The following BCLAF1 variants were observed in gnomAD, a reference collection of about 807,000 sequenced individuals.
BCLAF1 encodes BCL2 associated transcription factor 1.
A neutral mutation model predicts 99.5 loss-of-function variants in BCLAF1; 10 were observed. The ratio of observed to expected loss-of-function variants is 0.10; its 90% CI spans 0.06 to 0.17. BCLAF1 has a LOEUF of 0.17. Ranked by LOEUF, BCLAF1 falls within the 10% of genes least tolerant of loss-of-function variation. BCLAF1 has a pLI of 1.00. For synonymous variants in BCLAF1, 255 were observed against 370.9 expected, an observed-to-expected ratio of 0.69 and a Z score of 3.59; for missense variants, 636 against 1,105.8, an observed-to-expected ratio of 0.58 and a Z score of 6.02.
At chr6:136,267,438 C>A (rs1262717315) in intron 10 of BCLAF1, among the ~76,000 whole-genome samples, 1 of 151,800 alleles carries the variant, frequency 6.6e-6, no homozygotes, top group Non-Finnish European at 1.5e-5. Flanking sequence ...TTTAAATAAT[C>A]AAGTTGTTTT....
chr6:136,266,111 CAT>C (rs1443563707), intron 11 of BCLAF1, among the ~76,000 whole-genome samples: 1 of 151,582 alleles, frequency 6.6e-6, no homozygotes, highest in Non-Finnish European at 1.5e-5. Flanking sequence ...ATTTTTGAAA[CAT>C]ATATAGTTTT....
chr6:136,288,075 G>C (rs1263563824), intron 1 of BCLAF1, among the ~76,000 whole-genome samples: 1 of 152,184 alleles, frequency 6.6e-6, no homozygotes, highest in African/African-American at 2.4e-5. Context: ...CTTTTTACAC[G>C]TCTGTCTTCA....
intron 11 of BCLAF1, among the ~76,000 whole-genome samples, chr6:136,263,942 A>C (rs544725934): frequency 6.6e-6 from 1 of 152,234 alleles, no homozygotes; most frequent in African/African-American, 2.4e-5. Flanking sequence ...AAAGATTACT[A>C]TAACTCAGTA....
chr6:136,264,024 C>T (rs1781385056), intron 11 of BCLAF1, among the ~76,000 whole-genome samples: 1 of 152,248 alleles, frequency 6.6e-6, no homozygotes, highest in Non-Finnish European at 1.5e-5. Context: ...ATCCTGACCC[C>T]ATTGCACTAG....
intron 9 of BCLAF1, among the ~76,000 whole-genome samples, chr6:136,268,834 A>C (rs1037228671): frequency 6.6e-6 from 1 of 151,944 alleles, no homozygotes; most frequent in African/African-American, 2.4e-5. Flanking sequence ...TCCACCATTT[A>C]CCTAATGAAT....
At chr6:136,268,111 T>C (rs768349404) in intron 10 of BCLAF1, 51 bp downstream of exon 10, 1 of 1,456,102 alleles carries the variant, frequency 6.9e-7, no homozygotes. Flanking sequence ...TTATGTACAG[T>C]ACTCTAAGAT....
intron 8 of BCLAF1, chr6:136,270,101 A>C (rs1782300845): frequency 6.6e-6 from 1 of 151,836 alleles, no homozygotes; most frequent in Admixed American, 6.6e-5. Context: ...CTTCCCAAAT[A>C]ATCTGACCAA....
chr6:136,263,966 A>T (rs533437768), intron 11 of BCLAF1, among the ~76,000 whole-genome samples: 1 of 152,220 alleles, frequency 6.6e-6, no homozygotes, highest in Non-Finnish European at 1.5e-5. Flanking sequence ...GACAACAAAT[A>T]GTACAAACAA....
At chr6:136,264,168 A>G (rs1396870908) in intron 11 of BCLAF1, among the ~76,000 whole-genome samples, 2 of 152,184 alleles carry the variant, frequency 1.3e-5, no homozygotes, top group Non-Finnish European at 2.9e-5. Flanking sequence ...AGCACCTAGC[A>G]TAGTACATGA....
At chr6:136,289,103 A>C (rs1178602173) in intron 1 of BCLAF1, among the ~76,000 whole-genome samples, 1 of 152,142 alleles carries the variant, frequency 6.6e-6, no homozygotes, top group Non-Finnish European at 1.5e-5. Flanking sequence ...CAGAGCACTA[A>C]AACCTAGTAG....
At chr6:136,287,943 C>T (rs1785374420) in intron 1 of BCLAF1, among the ~76,000 whole-genome samples, 1 of 152,200 alleles carries the variant, frequency 6.6e-6, no homozygotes, top group Non-Finnish European at 1.5e-5. Flanking sequence ...ATCGCTTGGA[C>T]CCGGAGACGG....
Position 136,277,745 on chromosome 6 carries a change from G to C in BCLAF1, c.1016+120C>G, listed in dbSNP as rs186688097. ...CAATTTGGAATTATCTTAAAATGAAGGAAGTCAAGAGTAAAAACCGCTAGT... is the reference window on the plus strand; with the variant it reads ...CAATTTGGAATTATCTTAAAATGAACGAAGTCAAGAGTAAAAACCGCTAGT... On this transcript the variant is annotated intron_variant, in intron 4 of 12. Coordinates refer to ENST00000531224, the MANE Select transcript of BCLAF1 (RefSeq NM_014739.3). The C allele has an allele frequency of 3.0e-4, 351 of 1,150,908 alleles. No homozygotes were observed. The African/African-American group carries it at 5.8e-3, about 19-fold the overall frequency. The allele number at this position is 1,150,908 out of a possible 1,614,324, so 71.3% of individuals were successfully genotyped here.
At position 136,261,398 on chromosome 6, in the gene BCLAF1, C is replaced by G. The variant is rs747058397; in HGVS notation, c.2624G>C (p.Arg875Pro). 1 of 1,613,750 alleles carries G rather than the reference C, an allele frequency of 6.2e-7. No homozygotes were observed. The highest frequency in any genetic ancestry group is 8.5e-7 in the Non-Finnish European group (1 of 1,179,832). The change falls in exon 12 of 13, where the codon CGC becomes CCC. Residue 875 changes from arginine (R) to proline (P), a missense_variant. Coordinates refer to ENST00000531224, the MANE Select transcript of BCLAF1 (RefSeq NM_014739.3). ...GCTACCTGATTTTTTGAAGTTAAAGCGCCCTCTGCCACGTTGAAAAGTACC... is the reference window on the plus strand; with the variant it reads ...GCTACCTGATTTTTTGAAGTTAAAGGGCCCTCTGCCACGTTGAAAAGTACC... ...GRGTFQRGRGRFNFKKSGSSP... is the reference protein window; with the variant it reads ...GRGTFQRGRGPFNFKKSGSSP...
intron 3 of BCLAF1, among the ~76,000 whole-genome samples, chr6:136,279,026 C>CACACACGT (rs1554219522): frequency 1.4e-3 from 213 of 151,190 alleles, no homozygotes; most frequent in African/African-American, 4.8e-3. Flanking sequence ...CACACACACA[C>CACACACGT]GCATGTGTTA....
At position 136,257,561 on chromosome 6, in the gene BCLAF1, A is replaced by C. The variant is rs1323126994; in HGVS notation, c.*3549T>G. On this transcript the variant is annotated 3_prime_UTR_variant, in exon 13 of 13. Coordinates refer to ENST00000531224, the MANE Select transcript of BCLAF1 (RefSeq NM_014739.3). Reference sequence around the variant, plus strand: ...AAGAAATGTAAAACTTGTTCATTTAAACTTCATTAGGACAGTGTACTAATT... The same window carrying C: ...AAGAAATGTAAAACTTGTTCATTTACACTTCATTAGGACAGTGTACTAATT... 1 of 152,208 alleles carries C rather than the reference A, an allele frequency of 6.6e-6. No individual in the cohort carries two copies. Among genetic ancestry groups the C allele is most frequent in the Non-Finnish European group, 1.5e-5 (1 of 68,010 alleles). 9.4% of individuals were successfully genotyped at this position (152,208 alleles called of 1,614,324 possible).
chr6:136,276,578 T>C (rs1374802755), intron 4 of BCLAF1, 70 bp from the exon 5 acceptor site: 2 of 1,484,520 alleles, frequency 1.3e-6, no homozygotes, highest in African/African-American at 1.4e-5. Flanking sequence ...CATATTTAAA[T>C]GTGTTGCCCA....
chr6:136,287,987 T>A (rs1785384025), intron 1 of BCLAF1, among the ~76,000 whole-genome samples: 1 of 152,132 alleles, frequency 6.6e-6, no homozygotes, highest in African/African-American at 2.4e-5. Context: ...GCCACTGCAC[T>A]CCTGCCTAGG....
At chr6:136,264,555 A>G (rs1333830374) in intron 11 of BCLAF1, among the ~76,000 whole-genome samples, 1 of 152,142 alleles carries the variant, frequency 6.6e-6, no homozygotes, top group Non-Finnish European at 1.5e-5. Context: ...ACTCTTTTAA[A>G]CTGGTTAATT....
At chr6:136,271,791 C>A in intron 8 of BCLAF1, 2 of 361,598 alleles carry the variant, frequency 5.5e-6, no homozygotes, top group Non-Finnish European at 1.0e-5. Flanking sequence ...TTTGAAAAAA[C>A]ACTCTTGGTT....
Sources: gnomAD v4.1 joint callset for allele counts (sites outside exome capture counted in the v4.1 genomes callset) on GRCh38, gnomAD v4.1.1 for gene constraint, MANE v1.5 for transcripts, NCBI Gene and HGNC (gene_info 2026-07-23, HGNC 2026-07-21) for gene names.